The following COL19A1 variants were observed in gnomAD, a reference collection of about 807,000 sequenced individuals.
COL19A1 encodes the protein collagen alpha-1(XIX) chain.
A neutral mutation model predicts 190.2 loss-of-function variants in COL19A1; 159 were observed. The ratio of observed to expected loss-of-function variants is 0.84; its 90% confidence interval spans 0.73 to 0.95. The LOEUF (loss-of-function observed/expected upper bound fraction) is 0.95, where lower values mean the gene tolerates loss of function less well. Ranked by LOEUF, COL19A1 falls within the 40% of genes least tolerant of loss-of-function variation. COL19A1 has a pLI of 0.00. For synonymous variants in COL19A1, 509 were observed against 458.9 expected (o/e 1.11, Z -1.39); for missense variants, 1,418 against 1,431.9 (o/e 0.99, Z 0.16).
chr6:70,130,830 G>C (rs984250842), intron 18 of COL19A1, among the ~76,000 whole-genome samples: 1 of 152,210 alleles, frequency 6.6e-6, no homozygotes, highest in Admixed American at 6.5e-5. Context: ...ATGTGAATCC[G>C]TGTAGGTGGC....
rs977905123 is a variant in COL19A1, at chr6:70,121,869, T to C, written c.1279-11T>C. On this transcript the variant is annotated splice_polypyrimidine_tract_variant and intron_variant, in intron 16 of 50. Coordinates refer to ENST00000620364, the MANE Select transcript of COL19A1 (RefSeq NM_001858.6). ...GTGTATATATTTGTCTTTGATTTGT[T>C]TATAATACAGGGACCTCCTGGAATA... 4.5e-6 allele frequency: 7 copies of C among 1,544,706 alleles called. No individual in the cohort carries two copies. Among genetic ancestry groups the C allele is most frequent in the Middle Eastern group, 1.9e-4 (1 of 5,270 alleles).
intron 49 of COL19A1, among the ~76,000 whole-genome samples, chr6:70,204,991 C>A (rs912696663): frequency 1.3e-5 from 2 of 152,090 alleles, no homozygotes; most frequent in African/African-American, 4.8e-5. Flanking sequence ...TCACCTATAT[C>A]AAAGAAATCC....
chr6:70,155,665 C>T (rs79869054), intron 31 of COL19A1, among the ~76,000 whole-genome samples: 5,893 of 152,198 alleles, frequency 0.039, 154 homozygotes, highest in Non-Finnish European at 0.059. Context: ...TAATTTTGCT[C>T]CCAGAAGAAC....
At chr6:70,067,777 C>T (rs77801357) in intron 14 of COL19A1, among the ~76,000 whole-genome samples, 2 of 151,998 alleles carry the variant, frequency 1.3e-5, no homozygotes, top group African/African-American at 4.8e-5. Flanking sequence ...GCAATATCAT[C>T]ATTTTTAATT....
chr6:70,190,485 AAAAACC>A, intron 48 of COL19A1, 104 bp downstream of exon 48: 2 of 752,666 alleles, frequency 2.7e-6, no homozygotes, highest in South Asian at 3.4e-5. Flanking sequence ...GCCATGCCAC[AAAAACC>A]TTAAGGGGCA....
At chr6:70,202,774 A>C (rs1046372420) in intron 49 of COL19A1, among the ~76,000 whole-genome samples, 11 of 152,194 alleles carry the variant, frequency 7.2e-5, no homozygotes, top group African/African-American at 2.7e-4. Flanking sequence ...GACCTTCTTA[A>C]AGTGAAAAGA....
chr6:69,974,603 G>A (rs1013952462), intron 11 of COL19A1, among the ~76,000 whole-genome samples: 1 of 152,010 alleles, frequency 6.6e-6, no homozygotes, highest in South Asian at 2.1e-4. Context: ...TCCTTTATCC[G>A]GATTTTGACA....
intron 14 of COL19A1, 40 bp downstream of exon 14, chr6:70,035,979 T>C: frequency 6.4e-7 from 1 of 1,568,568 alleles, no homozygotes; most frequent in Non-Finnish European, 8.8e-7. Context: ...TTGAAATCCA[T>C]TATTCTGTTT....
chr6:70,157,102 C>A (rs1787487818), intron 34 of COL19A1, among the ~76,000 whole-genome samples: 1 of 152,050 alleles, frequency 6.6e-6, no homozygotes, highest in Admixed American at 6.6e-5. Flanking sequence ...ACCAGCCTAG[C>A]AGTAAGGGCA....
intron 14 of COL19A1, among the ~76,000 whole-genome samples, chr6:70,043,478 C>CA (rs2150125547): frequency 6.6e-6 from 1 of 152,242 alleles, no homozygotes; most frequent in East Asian, 1.9e-4. Context: ...AGGCGTGAGC[C>CA]ACCGCGCCCG....
At chr6:69,972,489 A>G (rs1418575703) in intron 11 of COL19A1, among the ~76,000 whole-genome samples, 1 of 152,182 alleles carries the variant, frequency 6.6e-6, no homozygotes, top group Non-Finnish European at 1.5e-5. Flanking sequence ...GTGGGGAAGT[A>G]TTATAGAGAA....
At chr6:70,161,415 A>G (rs1028599668) in intron 34 of COL19A1, among the ~76,000 whole-genome samples, 1 of 152,192 alleles carries the variant, frequency 6.6e-6, no homozygotes, top group Non-Finnish European at 1.5e-5. Context: ...ACCAGATTAA[A>G]TTATGTTTGC....
intron 10 of COL19A1, among the ~76,000 whole-genome samples, chr6:69,961,749 CTAAT>C (rs1774811054): frequency 6.6e-6 from 1 of 151,772 alleles, no homozygotes; most frequent in East Asian, 1.9e-4. Context: ...ATTATATTAT[CTAAT>C]TATGTATACT....
intron 34 of COL19A1, among the ~76,000 whole-genome samples, chr6:70,159,664 C>T (rs895403387): frequency 1.3e-5 from 2 of 152,064 alleles, no homozygotes; most frequent in African/African-American, 4.8e-5. Flanking sequence ...TCCTTGATCC[C>T]ACTGATGCAA....
Position 70,211,276 on chromosome 6 carries a change from T to G in COL19A1, c.*4002T>G, listed in dbSNP as rs17747812. On this transcript the variant is annotated 3_prime_UTR_variant, in exon 51 of 51. Coordinates refer to ENST00000620364, the MANE Select transcript of COL19A1 (RefSeq NM_001858.6). ...CATAACACTAATAATACACTGGGAT[T>G]GAGAATTTCTGTTAAGTGTTTTGCT... Among the ~76,000 whole-genome samples, 2 of 152,192 alleles carry G rather than the reference T, an allele frequency of 1.3e-5. No individual in the cohort carries two copies. Among genetic ancestry groups the G allele is most frequent in the East Asian group, 3.9e-4 (2 of 5,184 alleles).
intron 11 of COL19A1, among the ~76,000 whole-genome samples, chr6:69,982,831 G>A (rs1223653069): frequency 1.3e-5 from 2 of 151,358 alleles, no homozygotes; most frequent in African/African-American, 4.8e-5. Context: ...AATTAGCCGG[G>A]CTTGGTGGTG....
chr6:70,147,881 T>C (rs1474476783), intron 27 of COL19A1, among the ~76,000 whole-genome samples: 1 of 152,146 alleles, frequency 6.6e-6, no homozygotes, highest in Non-Finnish European at 1.5e-5. Flanking sequence ...CACCTCAGGT[T>C]CTATAGTTTG....
At chr6:70,171,521 A>G (rs919440193) in intron 40 of COL19A1, among the ~76,000 whole-genome samples, 4 of 152,200 alleles carry the variant, frequency 2.6e-5, no homozygotes, top group African/African-American at 9.7e-5. Context: ...GCTGCAGAGA[A>G]TACTTAAAGA....
chr6:70,097,807 T>C (rs1783377231), intron 15 of COL19A1, among the ~76,000 whole-genome samples: 1 of 152,124 alleles, frequency 6.6e-6, no homozygotes, highest in Non-Finnish European at 1.5e-5. Context: ...GAACACTAGA[T>C]CTCTATCCAT....
Sources: gnomAD v4.1 joint callset for allele counts (sites outside exome capture counted in the v4.1 genomes callset) on GRCh38, gnomAD v4.1.1 for gene constraint, MANE v1.5 for transcripts, NCBI Gene and HGNC (gene_info 2026-07-23, HGNC 2026-07-21) for gene names.